The following SUMF1 variants were observed in gnomAD, a reference collection of about 807,000 sequenced individuals.
SUMF1 encodes the protein sulfatase modifying factor 1.
Under a neutral mutation model 47.6 loss-of-function variants are expected in SUMF1, and 48 were observed. The observed-to-expected ratio is 1.01, with a 90% CI of 0.80 to 1.28. The LOEUF (loss-of-function observed/expected upper bound fraction) is 1.28. SUMF1 is among the 50% of genes most tolerant of loss of function. SUMF1 has a pLI of 0.00. For missense variants in SUMF1, 571 were observed against 485.4 expected (o/e 1.18, Z -1.66); for synonymous variants, 230 against 192.1 (o/e 1.20, Z -1.63).
At position 4,344,640 on chromosome 3, in the gene SUMF1, T is replaced by C. The variant is rs142583512; in HGVS notation, c.1014+31690A>G. 4.8e-3 allele frequency among the ~76,000 whole-genome samples: 733 copies of C among 152,202 alleles called. 7 individuals are homozygous for C. Among genetic ancestry groups the C allele is most frequent in the African/African-American group, 0.017 (707 of 41,534 alleles). ...GCTTGCCTCTTCTCCTCCAAATGAT[T>C]GCAATGTCTCTCCATCAAGGGCGCA... is the stretch of plus-strand genomic sequence containing the variant. On this transcript the variant is annotated intron_variant and NMD_transcript_variant, in intron 8 of 12. Coordinates refer to the SUMF1 transcript ENST00000448413.
intron 7 of SUMF1, among the ~76,000 whole-genome samples, chr3:4,403,873 C>G (rs1559277209): frequency 6.6e-6 from 1 of 152,214 alleles, no homozygotes. Context: ...TTCAGATCCA[C>G]TGACCCTCCA....
chr3:4,312,408 A>G (rs905882086), intron 8 of SUMF1, among the ~76,000 whole-genome samples: 1 of 152,068 alleles, frequency 6.6e-6, no homozygotes, highest in Non-Finnish European at 1.5e-5. Flanking sequence ...AAAAAATAGT[A>G]TTTTTCTTAT....
Position 4,362,040 on chromosome 3 carries a change from T to G in SUMF1, c.*104A>C. 8.6e-7 allele frequency: 1 copy of G among 1,157,358 alleles called. No individual in the cohort carries two copies. Among genetic ancestry groups the G allele is most frequent in the Admixed American group, 1.9e-5 (1 of 52,960 alleles). 71.7% of individuals were successfully genotyped at this position (1,157,358 alleles called of 1,614,324 possible). On this transcript the variant is annotated 3_prime_UTR_variant, in exon 9 of 9. Coordinates refer to ENST00000272902, the MANE Select transcript of SUMF1 (RefSeq NM_182760.4). ...CCATTGGGCAGGTATGTAACCCACCTCAGGGTGGGAATTCTTTGCATGGGA... is the reference window on the plus strand; with the variant it reads ...CCATTGGGCAGGTATGTAACCCACCGCAGGGTGGGAATTCTTTGCATGGGA...
intron 8 of SUMF1, among the ~76,000 whole-genome samples, chr3:4,240,426 A>T (rs185744734): frequency 1.2e-3 from 186 of 152,094 alleles, no homozygotes; most frequent in Non-Finnish European, 2.3e-3. Flanking sequence ...TATTTTAGTT[A>T]AAGTTTGTGA....
chr3:4,106,596 A>T (rs534764593), intron 8 of SUMF1, among the ~76,000 whole-genome samples: 1 of 152,262 alleles, frequency 6.6e-6, no homozygotes, highest in South Asian at 2.1e-4. Flanking sequence ...GAGTAAAGTC[A>T]CTAATAAAGA....
At chr3:4,408,473 G>A (rs1236698918) in intron 7 of SUMF1, among the ~76,000 whole-genome samples, 2 of 152,144 alleles carry the variant, frequency 1.3e-5, no homozygotes. Context: ...AAAAAAAGAT[G>A]TGGCTAGAGG....
chr3:4,328,574 T>C (rs1698991277), intron 8 of SUMF1, among the ~76,000 whole-genome samples: 1 of 152,122 alleles, frequency 6.6e-6, no homozygotes, highest in African/African-American at 2.4e-5. Flanking sequence ...GAGAACAGTA[T>C]GGGGGAAACT....
intron 8 of SUMF1, chr3:4,317,314 C>T: frequency 6.2e-6 from 6 of 969,626 alleles, no homozygotes; most frequent in Non-Finnish European, 7.5e-6. Flanking sequence ...TAGTTTTGCA[C>T]CAACCCAATA....
chr3:4,090,600 G>C (rs1376527820), intron 8 of SUMF1, among the ~76,000 whole-genome samples: 2 of 152,046 alleles, frequency 1.3e-5, no homozygotes, highest in African/African-American at 4.8e-5. Flanking sequence ...ACAGATGCCT[G>C]ACAACAAACT....
intron 8 of SUMF1, among the ~76,000 whole-genome samples, chr3:4,354,445 T>TA (rs11462209): frequency 0.11 from 17,483 of 152,192 alleles, 1,169 homozygotes; most frequent in East Asian, 0.31. Flanking sequence ...TTAAACCTGC[T>TA]AGAGGTTCTT....
At chr3:4,226,883 C>CG (rs1696186276) in intron 8 of SUMF1, among the ~76,000 whole-genome samples, 1 of 151,736 alleles carries the variant, frequency 6.6e-6, no homozygotes, top group Admixed American at 6.6e-5. Flanking sequence ...TCACTTCTCC[C>CG]GTCCCCTACT....
intron 8 of SUMF1, among the ~76,000 whole-genome samples, chr3:4,347,085 G>GAAATTT (rs1699389552): frequency 2.0e-5 from 3 of 152,170 alleles, no homozygotes; most frequent in Non-Finnish European, 4.4e-5. Context: ...CAGATTCACA[G>GAAATTT]CTGGATTTTA....
At chr3:4,450,739 C>T (rs1702941714) in intron 2 of SUMF1, among the ~76,000 whole-genome samples, 1 of 152,020 alleles carries the variant, frequency 6.6e-6, no homozygotes, top group South Asian at 2.1e-4. Flanking sequence ...GAGAAAGTGA[C>T]ATTTAAGCTG....
At chr3:4,075,563 G>C (rs1559449529) in intron 8 of SUMF1, among the ~76,000 whole-genome samples, 1 of 152,104 alleles carries the variant, frequency 6.6e-6, no homozygotes, top group Non-Finnish European at 1.5e-5. Context: ...TCTGTTTGCA[G>C]ATGACATGTT....
In SUMF1 at chr3:4,456,879, T is replaced by TATATAC. The variant is rs1491141763; in HGVS notation, c.271-3831_271-3830insGTATAT. ...ATATATATGTGTGTGTATATCTATA[T>TATATAC]GTGTGTGTATATATATGTGTGTGTA... On this transcript the variant is annotated intron_variant, in intron 1 of 8. Coordinates refer to ENST00000272902, the MANE Select transcript of SUMF1 (RefSeq NM_182760.4). Among the ~76,000 whole-genome samples the TATATAC allele has an allele frequency of 1.6e-4, 17 of 105,020 alleles. 1 individual carries two copies. The highest frequency in any genetic ancestry group is 2.8e-4 in the African/African-American group (8 of 28,262). The allele number at this position is 105,020 out of a possible 152,430, so 68.9% of individuals were successfully genotyped here. A position where few individuals can be genotyped will look rare whatever the true frequency, so the allele number is the denominator to read the frequency against.
At chr3:4,045,383 C>CCCATCCAT (rs544862356) in intron 9 of SUMF1, among the ~76,000 whole-genome samples, 8 of 151,390 alleles carry the variant, frequency 5.3e-5, no homozygotes, top group African/African-American at 1.5e-4. Context: ...CAACCATCCA[C>CCCATCCAT]CCATCCATCC....
chr3:4,165,742 T>C (rs138992066), intron 8 of SUMF1, among the ~76,000 whole-genome samples: 2 of 152,150 alleles, frequency 1.3e-5, no homozygotes, highest in African/African-American at 2.4e-5. Context: ...CACTTCTTTT[T>C]CAAAGTTTGT....
chr3:4,454,069 C>T (rs1312056202), intron 1 of SUMF1, among the ~76,000 whole-genome samples: 1 of 152,188 alleles, frequency 6.6e-6, no homozygotes, highest in Admixed American at 6.5e-5. Context: ...TAAATAACCA[C>T]TGCATGAATT....
At chr3:4,194,833 A>G (rs1355296623) in intron 8 of SUMF1, among the ~76,000 whole-genome samples, 2 of 152,290 alleles carry the variant, frequency 1.3e-5, no homozygotes, top group African/African-American at 2.4e-5. Flanking sequence ...AGAATTTCGA[A>G]CAATGTTATT....
Sources: allele counts gnomAD v4.1 joint callset (sites outside exome capture counted in the v4.1 genomes callset), GRCh38; gene constraint gnomAD v4.1.1; transcripts MANE v1.5; gene names NCBI Gene and HGNC (gene_info 2026-07-23, HGNC 2026-07-21).